Variants in COLEC12 observed in about 807,000 individuals in gnomAD.
The protein encoded by COLEC12 is collectin subfamily member 12, also known as collectin-12.
In COLEC12, 33 loss-of-function variants were observed where a neutral mutation model predicts 71.1. The observed-to-expected ratio is 0.46, with a 90% CI of 0.35 to 0.62. The LOEUF (loss-of-function observed/expected upper bound fraction) is 0.62. COLEC12 is among the 20% of genes least tolerant of loss of function. COLEC12 has a pLI of 0.00. For synonymous variants in COLEC12, 350 were observed against 353.0 expected (o/e 0.99, Z 0.10); for missense variants, 765 against 916.1 (o/e 0.84, Z 2.13).
chr18:455,988 G>C (rs7229436), intron 2 of COLEC12, among the ~76,000 whole-genome samples: 49,539 of 152,042 alleles, frequency 0.33, 8,216 homozygotes, highest in African/African-American at 0.39. Flanking sequence ...TGACACAATA[G>C]TTAAGTGTAT....
intron 2 of COLEC12, among the ~76,000 whole-genome samples, chr18:403,864 T>A (rs904008107): frequency 6.6e-6 from 1 of 152,222 alleles, no homozygotes; most frequent in Admixed American, 6.5e-5. Context: ...TGTCTTGCCA[T>A]TTGTTCTCAT....
At chr18:440,380 C>CACACAT (rs1916494230) in intron 2 of COLEC12, among the ~76,000 whole-genome samples, 1 of 54,636 alleles carries the variant, frequency 1.8e-5, no homozygotes. Context: ...CACACACATA[C>CACACAT]ACACACACAC....
intron 2 of COLEC12, among the ~76,000 whole-genome samples, chr18:478,421 G>A (rs1917345126): frequency 6.6e-6 from 1 of 152,058 alleles, no homozygotes; most frequent in Non-Finnish European, 1.5e-5. Context: ...AAGACCAGCT[G>A]GGGCAAGATA....
chr18:472,321 TA>T (rs1255691531), intron 2 of COLEC12, among the ~76,000 whole-genome samples: 1 of 152,110 alleles, frequency 6.6e-6, no homozygotes, highest in East Asian at 1.9e-4. Context: ...CTACCTTCCT[TA>T]AAAGTATTAT....
In COLEC12 at chr18:408,896, G is replaced by A. The variant is rs771234789; in HGVS notation, c.59-51374C>T. Among the ~76,000 whole-genome samples the A allele has an allele frequency of 6.6e-6, 1 of 152,006 alleles. No individual in the cohort carries two copies. Among genetic ancestry groups the A allele is most frequent in the African/African-American group, 2.4e-5 (1 of 41,388 alleles). ...TGCCCAGGCTGGAGGGCAGTGGCACGATCTTGACTCACTGCAACCTCCACC... is the reference window on the plus strand; with the variant it reads ...TGCCCAGGCTGGAGGGCAGTGGCACAATCTTGACTCACTGCAACCTCCACC... On this transcript the variant is annotated intron_variant, in intron 2 of 9. Coordinates refer to ENST00000400256, the MANE Select transcript of COLEC12 (RefSeq NM_130386.3). This position sits in a 1 kb window ranked among gnomAD's most constrained non-coding sequence, Gnocchi z 4.3.
At chr18:499,173 G>C (rs1917770129) in intron 1 of COLEC12, among the ~76,000 whole-genome samples, 1 of 152,186 alleles carries the variant, frequency 6.6e-6, no homozygotes, top group African/African-American at 2.4e-5. Context: ...ATGTAAATGA[G>C]GGAAGAGAAA....
At chr18:450,769 C>T (rs577492666) in intron 2 of COLEC12, among the ~76,000 whole-genome samples, 3 of 152,234 alleles carry the variant, frequency 2.0e-5, no homozygotes, top group East Asian at 1.9e-4. Context: ...CAGAAGAAGA[C>T]AGCAAGATGA....
intron 2 of COLEC12, among the ~76,000 whole-genome samples, chr18:440,023 G>A (rs117630769): frequency 2.0e-5 from 3 of 151,024 alleles, no homozygotes; most frequent in Non-Finnish European, 4.4e-5. Flanking sequence ...ATATTATTCA[G>A]CCATAAGAAA....
chr18:347,116 T>G lies in COLEC12; in HGVS notation c.506A>C (p.Lys169Thr). The change falls in exon 5 of 10, where the codon AAA becomes ACA. Residue 169 changes from lysine (K) to threonine (T), a missense_variant. Coordinates refer to ENST00000400256, the MANE Select transcript of COLEC12 (RefSeq NM_130386.3). The stretch of plus-strand genomic sequence containing the variant: ...ATAGCCATTATACGCCTGGAGGGTT[T>G]TGTTTACAGTGGTGATGAGGAAAGA... ...NNSFLITTVN[K>T]TLQAYNGYVT... 6.2e-7 allele frequency: 1 copy of G among 1,614,196 alleles called. No homozygotes were observed. The highest frequency in any genetic ancestry group is 8.5e-7 in the Non-Finnish European group (1 of 1,180,036).
At chr18:374,650 G>A (rs1409741185) in intron 2 of COLEC12, among the ~76,000 whole-genome samples, 1 of 152,186 alleles carries the variant, frequency 6.6e-6, no homozygotes, top group Non-Finnish European at 1.5e-5. Flanking sequence ...GGGGCGGCTT[G>A]TTATACTAAT....
At chr18:425,025 GT>G (rs138063678) in intron 2 of COLEC12, among the ~76,000 whole-genome samples, 25,504 of 152,056 alleles carry the variant, frequency 0.17, 2,399 homozygotes, top group Middle Eastern at 0.21. Context: ...CCTGTACTTG[GT>G]TTTTTTCCTT....
At chr18:343,559 T>A (rs1237539380) in intron 5 of COLEC12, among the ~76,000 whole-genome samples, 1 of 151,882 alleles carries the variant, frequency 6.6e-6, no homozygotes, top group Non-Finnish European at 1.5e-5. Flanking sequence ...AAGCAGATCA[T>A]CTCAACACCT....
chr18:426,765 C>T (rs1171370930), intron 2 of COLEC12, among the ~76,000 whole-genome samples: 3 of 152,086 alleles, frequency 2.0e-5, no homozygotes, highest in Non-Finnish European at 4.4e-5. Flanking sequence ...GCTTTACGTG[C>T]ATTTATTTCT....
chr18:462,713 G>A (rs1189797447), intron 2 of COLEC12, among the ~76,000 whole-genome samples: 2 of 152,232 alleles, frequency 1.3e-5, no homozygotes, highest in African/African-American at 4.8e-5. Context: ...TAAAAATAAC[G>A]GAGGAGGACT....
At position 408,301 on chromosome 18, in the gene COLEC12, C is replaced by A. The variant is rs537400230; in HGVS notation, c.59-50779G>T. ...TCAGCACAGTGCCTGGCCCCTGATA[C>A]CTGCAAATGTCAGTCTCTTTTTCCT... On this transcript the variant is annotated intron_variant, in intron 2 of 9. Transcript: ENST00000400256. This position sits in a 1 kb window ranked among gnomAD's most constrained non-coding sequence, Gnocchi z 4.3. 1.3e-5 allele frequency among the ~76,000 whole-genome samples: 2 copies of A among 152,260 alleles called. No individual in the cohort carries two copies. The highest frequency in any genetic ancestry group is 2.9e-5 in the Non-Finnish European group (2 of 68,028).
chr18:469,040 TG>T (rs1174632487), intron 2 of COLEC12, among the ~76,000 whole-genome samples: 1 of 152,274 alleles, frequency 6.6e-6, no homozygotes, highest in Non-Finnish European at 1.5e-5. Context: ...GGAAGGATGC[TG>T]CCTTCCAAAC....
rs1915838034 is a variant in COLEC12, at chr18:408,852, T to A, written c.59-51330A>T. Among the ~76,000 whole-genome samples the A allele has an allele frequency of 6.6e-6, 1 of 152,148 alleles. No individual in the cohort carries two copies. The highest frequency in any genetic ancestry group is 6.5e-5 in the Admixed American group (1 of 15,278). ...TTTTAATTTTTATTTTTTATTTTTT[T>A]GAGATAGTCTTGCTCTGCTGCCCAG... On this transcript the variant is annotated intron_variant, in intron 2 of 9. Transcript: ENST00000400256. The surrounding 1 kb of genome is among the most constrained non-coding windows in gnomAD (Gnocchi z 4.3).
intron 2 of COLEC12, among the ~76,000 whole-genome samples, chr18:398,452 T>C (rs1269586237): frequency 6.6e-6 from 1 of 152,210 alleles, no homozygotes; most frequent in Non-Finnish European, 1.5e-5. Flanking sequence ...ATTTCTCCAA[T>C]GTTGCCAGGC....
chr18:475,761 A>C (rs16945096), intron 2 of COLEC12, among the ~76,000 whole-genome samples: 8,901 of 152,248 alleles, frequency 0.058, 467 homozygotes, highest in East Asian at 0.28. Flanking sequence ...AGTTTCTCTA[A>C]ACCTCTTGGC....
Sources: allele counts gnomAD v4.1 joint callset (sites outside exome capture counted in the v4.1 genomes callset), GRCh38; gene constraint gnomAD v4.1.1; non-coding constraint Gnocchi (gnomAD v3.1); transcripts MANE v1.5; gene names NCBI Gene and HGNC (gene_info 2026-07-23, HGNC 2026-07-21).